MARCO: variants seen among roughly 807,000 people sequenced by gnomAD.
MARCO encodes the protein macrophage receptor with collagenous structure, also known as macrophage receptor MARCO.
In MARCO, 72 loss-of-function variants were observed where a neutral mutation model predicts 70.0. The observed-to-expected ratio is 1.03, with a 90% CI of 0.85 to 1.25. The LOEUF is 1.25. Among genes scored for constraint, MARCO ranks in the 50% most tolerant of loss-of-function variants. The probability of loss-of-function intolerance (pLI) is 0.00; values close to 1 mark genes in which losing one functional copy is unlikely to be tolerated. For synonymous variants in MARCO, 273 were observed against 243.1 expected, an observed-to-expected ratio of 1.12 and a Z score of -1.14; for missense variants, 696 against 659.3, an observed-to-expected ratio of 1.06 and a Z score of -0.61.
At position 118,974,511 on chromosome 2, in the gene MARCO, T is replaced by C. The variant is rs1331045794; in HGVS notation, c.569-10T>C. The C allele has an allele frequency of 1.2e-6, 2 of 1,613,776 alleles. No individual in the cohort carries two copies. The highest frequency in any genetic ancestry group is 2.2e-5 in the East Asian group (1 of 44,870). Reference sequence around the variant, plus strand: ...CTCTGGCTTCACTCTGAATTCCCTTTCCCTTCCAGGCCCCTCGGGACCCCA... The same window carrying C: ...CTCTGGCTTCACTCTGAATTCCCTTCCCCTTCCAGGCCCCTCGGGACCCCA... On this transcript the variant is annotated splice_polypyrimidine_tract_variant and intron_variant, in intron 5 of 16. Coordinates refer to ENST00000327097, the MANE Select transcript of MARCO (RefSeq NM_006770.4).
At position 118,986,726 on chromosome 2, in the gene MARCO, G is replaced by GAAAGA. The variant is rs1558672033; in HGVS notation, c.1064-3860_1064-3856dup. Among the ~76,000 whole-genome samples the GAAAGA allele has an allele frequency of 1.4e-3, 147 of 107,792 alleles. 17 individuals carry two copies. The highest frequency in any genetic ancestry group is 5.1e-3 in the African/African-American group (112 of 21,850). The allele number at this position is 107,792 out of a possible 152,430, so 70.7% of individuals were successfully genotyped here. A position where few individuals can be genotyped will look rare whatever the true frequency, so the allele number is the denominator to read the frequency against. ...GAAAGAAAGAAAGAAAGAAAGAAAA[G>GAAAGA]AAAGAAAGAAAGAGAAAGAAAGAGA... On this transcript the variant is annotated intron_variant, in intron 12 of 16. Coordinates refer to ENST00000327097, the MANE Select transcript of MARCO (RefSeq NM_006770.4).
chr2:118,968,440 G>C (rs1472111584), intron 1 of MARCO, among the ~76,000 whole-genome samples: 2 of 152,104 alleles, frequency 1.3e-5, no homozygotes, highest in Admixed American at 1.3e-4. Context: ...TATGTACTAT[G>C]ATATCATTTG....
chr2:118,947,443 T>C (rs1679623086), intron 1 of MARCO, among the ~76,000 whole-genome samples: 1 of 152,186 alleles, frequency 6.6e-6, no homozygotes, highest in Non-Finnish European at 1.5e-5. Context: ...CCCAAGTAGC[T>C]GGGACTAGAG....
intron 12 of MARCO, among the ~76,000 whole-genome samples, chr2:118,990,251 C>A (rs530360279): frequency 5.3e-5 from 8 of 152,294 alleles, no homozygotes; most frequent in East Asian, 1.9e-4. Flanking sequence ...TCTCCCAATT[C>A]TCTTCCAATA....
rs758154365 is a variant in MARCO, at chr2:118,993,281, C to T, written c.1410C>T (p.Ala470=). ...CRMLGYSKGR[A]LYKVGAGTGQ... is the part of the protein sequence containing the mutation. ...TGCTGGGTTACTCCAAAGGAAGGGC[C>T]CTGTACAAAGTGGGAGCTGGTAAGT... Residue 470 remains alanine, a synonymous_variant, in exon 16 of 17, where the codon GCC becomes GCT. Coordinates refer to ENST00000327097, the MANE Select transcript of MARCO (RefSeq NM_006770.4). 4 of 1,614,044 alleles carry T rather than the reference C, an allele frequency of 2.5e-6. No homozygotes were observed. Among genetic ancestry groups the T allele is most frequent in the South Asian group, 2.2e-5 (2 of 91,072 alleles).
At chr2:118,979,148 C>T (rs138469839) in intron 8 of MARCO, among the ~76,000 whole-genome samples, 84 of 152,270 alleles carry the variant, frequency 5.5e-4, no homozygotes, top group African/African-American at 1.9e-3. Context: ...AAGAAGACAG[C>T]CCTTAGTAGG....
chr2:118,990,677 G>T, intron 13 of MARCO, 44 bp downstream of exon 13: 1 of 1,595,422 alleles, frequency 6.3e-7, no homozygotes, highest in Non-Finnish European at 8.6e-7. Flanking sequence ...TGATGACGGG[G>T]AAGGCCTGCC....
intron 1 of MARCO, among the ~76,000 whole-genome samples, chr2:118,960,118 AAATAAT>A (rs10676998): frequency 6.7e-6 from 1 of 149,894 alleles, no homozygotes; most frequent in East Asian, 2.0e-4. Flanking sequence ...AAATAAAATA[AAATAAT>A]AATAATAATA....
At chr2:118,954,644 A>G (rs1384896428) in intron 1 of MARCO, among the ~76,000 whole-genome samples, 1 of 152,206 alleles carries the variant, frequency 6.6e-6, no homozygotes, top group Non-Finnish European at 1.5e-5. Context: ...CACCAAAGCT[A>G]AGGACCCTCA....
intron 1 of MARCO, among the ~76,000 whole-genome samples, chr2:118,963,260 T>C (rs915699303): frequency 6.6e-6 from 1 of 151,802 alleles, no homozygotes; most frequent in Non-Finnish European, 1.5e-5. Context: ...AGCTGCTTTT[T>C]TTTATCCCAT....
rs1296455008 is a variant in MARCO at position 118,965,608 on chromosome 2, G to A, written c.98-3552G>A. On this transcript the variant is annotated intron_variant, in intron 1 of 16. Transcript: ENST00000327097. Reference sequence around the variant, plus strand: ...ATTTTCTCTATTCTTTGTATGATGGGTGATTTTCCATTATATAATGGATGT... The same window carrying A: ...ATTTTCTCTATTCTTTGTATGATGGATGATTTTCCATTATATAATGGATGT... Among the ~76,000 whole-genome samples, 3 of 152,100 alleles carry A rather than the reference G, an allele frequency of 2.0e-5. No individual in the cohort carries two copies. The East Asian group carries it at 5.8e-4, about 29-fold the overall frequency.
rs1306104742 is a variant in MARCO at position 118,981,464 on chromosome 2, A to G, written c.822A>G (p.Gly274=). The change falls in exon 9 of 17, where the codon GGA becomes GGG. Residue 274 remains glycine (G), a synonymous_variant. Coordinates refer to ENST00000327097, the MANE Select transcript of MARCO (RefSeq NM_006770.4). ...ATGCAGGGGTCATGGGGCCTCCTGG[A>G]GCCCAGGGGAGTAAAGGTGACTTCG... ...KGDAGVMGPP[G]AQGSKGDFGR... 1.9e-6 allele frequency: 3 copies of G among 1,595,598 alleles called. No individual in the cohort carries two copies. The highest frequency in any genetic ancestry group is 2.6e-6 in the Non-Finnish European group (3 of 1,175,794).
intron 1 of MARCO, among the ~76,000 whole-genome samples, chr2:118,943,429 G>T (rs950022644): frequency 1.3e-5 from 2 of 152,160 alleles, no homozygotes; most frequent in Admixed American, 1.3e-4. Flanking sequence ...AGCATACTCA[G>T]CACCTATTTC....
rs752765760 is a variant in MARCO at position 118,974,328 on chromosome 2, C to T, written c.461-5C>T. ...CTCATTAGTGTCTCTGTTCCTCTTCCTCAGGTCTTCAAGGTCACAAGGGGG... is the reference window on the plus strand; with the variant it reads ...CTCATTAGTGTCTCTGTTCCTCTTCTTCAGGTCTTCAAGGTCACAAGGGGG... On this transcript the variant is annotated splice_region_variant and splice_polypyrimidine_tract_variant and intron_variant, in intron 4 of 16. Transcript: ENST00000327097. The T allele has an allele frequency of 1.0e-5, 16 of 1,576,692 alleles. No individual in the cohort carries two copies. The highest frequency in any genetic ancestry group is 1.4e-5 in the Non-Finnish European group (16 of 1,154,872).
At position 118,969,208 on chromosome 2, in the gene MARCO, T is replaced by C; in HGVS notation, c.146T>C (p.Val49Ala). The C allele has an allele frequency of 2.5e-6, 4 of 1,614,172 alleles. No individual in the cohort carries two copies. The highest frequency in any genetic ancestry group is 3.4e-6 in the Non-Finnish European group (4 of 1,180,006). ...GGGGTGAACTTCTCCCTAGCTGTGG[T>C]GGTCATCTACCTGATCCTGCTCACC... ...RNGVNFSLAV[V>A]VIYLILLTAG... The change falls in exon 2 of 17, where the codon GTG (valine) becomes GCG (alanine). Residue 49 changes from valine to alanine, a missense_variant. Physicochemically the swap from Val to Ala is moderately conservative, Grantham distance 64. Around this residue, in one of 3 missense-constraint regions of MARCO, gnomAD observed 605 missense variants for 537.6 expected, o/e 1.13. Transcript: ENST00000327097.
At chr2:118,981,122 G>C (rs1680379697) in intron 8 of MARCO, among the ~76,000 whole-genome samples, 1 of 152,196 alleles carries the variant, frequency 6.6e-6, no homozygotes, top group Non-Finnish European at 1.5e-5. Flanking sequence ...GCCAGACAGT[G>C]CTGGCTGAGC....
chr2:118,960,215 T>C lies in MARCO; in HGVS notation c.98-8945T>C, dbSNP rs115882039. ...TCATGTACTCTACAAATAAGAACAT[T>C]TTAATTTCTTTCTTTCCAAACTGTA... is the stretch of plus-strand genomic sequence containing the variant. On this transcript the variant is annotated intron_variant, in intron 1 of 16. Transcript: ENST00000327097. Among the ~76,000 whole-genome samples the C allele has an allele frequency of 4.0e-3, 609 of 152,176 alleles. 4 individuals are homozygous for C. The highest frequency in any genetic ancestry group is 0.014 in the African/African-American group (582 of 41,560).
intron 1 of MARCO, among the ~76,000 whole-genome samples, chr2:118,960,141 A>T (rs983721724): frequency 3.3e-5 from 5 of 151,712 alleles, no homozygotes; most frequent in African/African-American, 1.2e-4. Flanking sequence ...AATAATAAAT[A>T]AAAATAAAAC....
In MARCO at chr2:118,971,598, T is replaced by C. The variant is rs1680172929; in HGVS notation, c.460+64T>C. On this transcript the variant is annotated intron_variant, in intron 4 of 16. Coordinates refer to ENST00000327097, the MANE Select transcript of MARCO (RefSeq NM_006770.4). Reference sequence around the variant, plus strand: ...CCAAAACCTCCCCAAAAGGGCCCCTTGGCCTGTGCCATTCTGGGTCTGGAC... The same window carrying C: ...CCAAAACCTCCCCAAAAGGGCCCCTCGGCCTGTGCCATTCTGGGTCTGGAC... 6.4e-6 allele frequency: 10 copies of C among 1,556,456 alleles called. No homozygotes were observed. The South Asian group carries it at 1.1e-4, about 17-fold the overall frequency.
Sources: gnomAD v4.1 joint callset for allele counts (sites outside exome capture counted in the v4.1 genomes callset) on GRCh38, gnomAD v4.1.1 for gene constraint, gnomAD v4.1.1 regional missense constraint, MANE v1.5 for transcripts, NCBI Gene and HGNC (gene_info 2026-07-23, HGNC 2026-07-21) for gene names.